SAMD12: variants seen among roughly 807,000 people sequenced by gnomAD.
SAMD12 encodes sterile alpha motif domain containing 12.
A neutral mutation model predicts 15.0 loss-of-function variants in SAMD12; 9 were observed. The ratio of observed to expected loss-of-function variants is 0.60; its 90% CI spans 0.36 to 1.05. The LOEUF is 1.05. Ranked by LOEUF, SAMD12 falls within the 50% of genes least tolerant of loss-of-function variation. The pLI is 0.01. For missense variants in SAMD12, 230 were observed against 234.2 expected, an observed-to-expected ratio of 0.98 and a Z score of 0.12; for synonymous variants, 86 against 90.1, an observed-to-expected ratio of 0.96 and a Z score of 0.25.
At chr8:118,316,750 T>A (rs1815928066) in intron 4 of SAMD12, among the ~76,000 whole-genome samples, 1 of 152,002 alleles carries the variant, frequency 6.6e-6, no homozygotes, top group Non-Finnish European at 1.5e-5. Flanking sequence ...CGCAAAATTC[T>A]TATGTTGAAA....
chr8:118,302,840 C>T (rs1815119242), intron 4 of SAMD12, among the ~76,000 whole-genome samples: 1 of 152,164 alleles, frequency 6.6e-6, no homozygotes, highest in Non-Finnish European at 1.5e-5. Context: ...CAATCCTTTA[C>T]CTCCAGGTGG....
At chr8:118,170,625 A>G in the SAMD12 span, among the ~76,000 whole-genome samples, 1 of 152,204 alleles carries the variant, frequency 6.6e-6, no homozygotes, top group South Asian at 2.1e-4. Flanking sequence ...TTAAACATCT[A>G]TTTGCAAAAC....
chr8:118,188,703 A>G (rs11562714), downstream of SAMD12, among the ~76,000 whole-genome samples: 2,106 of 152,254 alleles, frequency 0.014, 51 homozygotes, highest in African/African-American at 0.048. Flanking sequence ...ACAAAAGGAA[A>G]GGTGAAAATG....
At chr8:118,524,921 C>T (rs1026980993) in intron 2 of SAMD12, among the ~76,000 whole-genome samples, 4 of 152,194 alleles carry the variant, frequency 2.6e-5, no homozygotes, top group African/African-American at 9.7e-5. Flanking sequence ...CCTGCTTTTC[C>T]CCTGACAGTC....
Position 118,469,961 on chromosome 8 carries a change from T to C in SAMD12, c.193-30000A>G, listed in dbSNP as rs1273465512. On this transcript the variant is annotated intron_variant, in intron 2 of 3. Coordinates refer to ENST00000314727, the MANE Select transcript of SAMD12 (RefSeq NM_207506.3). ...AGTGACAGAGAAGTGTCTTAATAAA[T>C]TATGACATGGATACCATAATTTTAT... Among the ~76,000 whole-genome samples the C allele has an allele frequency of 4.6e-5, 7 of 152,270 alleles. No individual in the cohort carries two copies. The South Asian group carries it at 1.2e-3, about 27-fold the overall frequency.
chr8:118,545,994 G>A lies in SAMD12; in HGVS notation c.192+34721C>T, dbSNP rs183460542. On this transcript the variant is annotated intron_variant, in intron 2 of 3. Transcript: ENST00000314727. ...ATGTGAGTGGTCGAGCTCCAAAACC[G>A]GGACCCTTAACCTCTGTCACATACC... 2.2e-3 allele frequency among the ~76,000 whole-genome samples: 341 copies of A among 152,244 alleles called. 2 individuals carry two copies. Among genetic ancestry groups the A allele is most frequent in the African/African-American group, 7.8e-3 (322 of 41,546 alleles).
chr8:118,237,783 A>C (rs1305256670), intron 4 of SAMD12, among the ~76,000 whole-genome samples: 1 of 152,176 alleles, frequency 6.6e-6, no homozygotes, highest in Non-Finnish European at 1.5e-5. Flanking sequence ...AACATTAAAA[A>C]AATTCAGAAA....
chr8:118,605,098 T>G (rs1827954495), intron 1 of SAMD12, among the ~76,000 whole-genome samples: 2 of 152,116 alleles, frequency 1.3e-5, no homozygotes, highest in African/African-American at 2.4e-5. Flanking sequence ...AGGCCCCTCA[T>G]TTGGTCCAAC....
intron 4 of SAMD12, among the ~76,000 whole-genome samples, chr8:118,308,205 T>G (rs1416552665): frequency 6.6e-6 from 1 of 152,218 alleles, no homozygotes; most frequent in Non-Finnish European, 1.5e-5. Flanking sequence ...GCGTTCCATT[T>G]GTTTCTTGCT....
rs575575263 is a variant in SAMD12 at position 118,325,087 on chromosome 8, T to C, written c.433+54473A>G. On this transcript the variant is annotated intron_variant, in intron 4 of 4. Coordinates refer to the SAMD12 transcript ENST00000409003. ...GAGCCTGCATCTATGCTGGTGCTTA[T>C]TGGTATGCTGGGTATGTATGTGACT... Among the ~76,000 whole-genome samples, 5 of 152,308 alleles carry C rather than the reference T, an allele frequency of 3.3e-5. No homozygotes were observed. The East Asian group carries it at 9.6e-4, about 29-fold the overall frequency.
chr8:118,315,308 G>T (rs907559423), intron 4 of SAMD12, among the ~76,000 whole-genome samples: 8 of 152,104 alleles, frequency 5.3e-5, no homozygotes, highest in Non-Finnish European at 7.4e-5. Flanking sequence ...GAAACCTAAA[G>T]ATAAACTTAA....
intron 2 of SAMD12, among the ~76,000 whole-genome samples, chr8:118,488,633 C>T (rs1824353252): frequency 6.6e-6 from 1 of 152,180 alleles, no homozygotes; most frequent in Non-Finnish European, 1.5e-5. Flanking sequence ...ATACAGCATA[C>T]AGTCTTCTGT....
At chr8:118,339,439 G>A (rs1034953434) in intron 4 of SAMD12, among the ~76,000 whole-genome samples, 1 of 152,324 alleles carries the variant, frequency 6.6e-6, no homozygotes, top group African/African-American at 2.4e-5. Flanking sequence ...TCCTCGAAAT[G>A]CATGGGGATG....
chr8:118,330,494 C>A (rs908768790), intron 4 of SAMD12, among the ~76,000 whole-genome samples: 1 of 152,046 alleles, frequency 6.6e-6, no homozygotes, highest in Non-Finnish European at 1.5e-5. Flanking sequence ...GAAAGTTCCT[C>A]AACACAAAAG....
intron 4 of SAMD12, among the ~76,000 whole-genome samples, chr8:118,281,504 C>T (rs1259406793): frequency 2.0e-5 from 3 of 152,186 alleles, no homozygotes; most frequent in African/African-American, 4.8e-5. Flanking sequence ...GAATGGATGA[C>T]TTTTAATAGA....
chr8:118,579,205 TCTCTA>T (rs75763630), intron 2 of SAMD12, among the ~76,000 whole-genome samples: 32,317 of 151,878 alleles, frequency 0.21, 3,609 homozygotes, highest in Middle Eastern at 0.3. Flanking sequence ...TTAACTTTTC[TCTCTA>T]CTCTAATTTT....
At chr8:118,419,277 CT>C (rs11461750) in intron 3 of SAMD12, among the ~76,000 whole-genome samples, 1 of 151,376 alleles carries the variant, frequency 6.6e-6, no homozygotes, top group African/African-American at 2.4e-5. Flanking sequence ...GTCAATTTTT[CT>C]TTTTTTTGTC....
chr8:118,414,920 C>T (rs777528524), intron 3 of SAMD12, among the ~76,000 whole-genome samples: 2 of 150,686 alleles, frequency 1.3e-5, no homozygotes, highest in African/African-American at 2.4e-5. Flanking sequence ...ACACTTAATA[C>T]TGAAGCTGAT....
chr8:118,160,579 G>T, the SAMD12 span, among the ~76,000 whole-genome samples: 1 of 152,272 alleles, frequency 6.6e-6, no homozygotes, highest in African/African-American at 2.4e-5. Context: ...TCCACAAAGT[G>T]AGGAAAGAGT....
Sources: allele counts gnomAD v4.1 joint callset (sites outside exome capture counted in the v4.1 genomes callset), GRCh38; gene constraint gnomAD v4.1.1; transcripts MANE v1.5; gene names NCBI Gene and HGNC (gene_info 2026-07-23, HGNC 2026-07-21).